The following ST8SIA6 variants were observed in gnomAD, a reference collection of about 807,000 sequenced individuals.
The protein encoded by ST8SIA6 is alpha-2,8-sialyltransferase 8F.
A neutral mutation model predicts 33.6 loss-of-function variants in ST8SIA6; 39 were observed. That is an observed-to-expected ratio of 1.16 (90% CI 0.90 to 1.52). The LOEUF (loss-of-function observed/expected upper bound fraction) is 1.52, where lower values mean the gene tolerates loss of function less well. ST8SIA6 is among the 40% of genes most tolerant of loss of function. ST8SIA6 has a pLI of 0.00. For synonymous variants in ST8SIA6, 172 were observed against 167.2 expected, an observed-to-expected ratio of 1.03 and a Z score of -0.22; for missense variants, 441 against 443.8, an observed-to-expected ratio of 0.99 and a Z score of 0.06.
At chr10:17,391,279 T>TTTA (rs2131663758) in intron 2 of ST8SIA6, among the ~76,000 whole-genome samples, 3 of 149,606 alleles carry the variant, frequency 2.0e-5, no homozygotes, top group Admixed American at 2.0e-4. Context: ...TTATTTATTT[T>TTTA]TTAGATGGAG....
chr10:17,317,064 TC>T lies in ST8SIA6; in HGVS notation c.*3813del, dbSNP rs1296114833. On this transcript the variant is annotated 3_prime_UTR_variant, in exon 8 of 8. Coordinates refer to ENST00000377602, the MANE Select transcript of ST8SIA6 (RefSeq NM_001004470.3). ...CAAACATAATTCTCCTACATTTTCT[TC>T]TATGAGCTTTAAAGTTTTCTTTTTA... 6.6e-6 allele frequency among the ~76,000 whole-genome samples: 1 copy of T among 152,184 alleles called. No homozygotes were observed. Among genetic ancestry groups the T allele is most frequent in the Non-Finnish European group, 1.5e-5 (1 of 68,026 alleles).
chr10:17,383,868 T>C (rs1222971981), intron 3 of ST8SIA6, among the ~76,000 whole-genome samples: 1 of 152,246 alleles, frequency 6.6e-6, no homozygotes, highest in Non-Finnish European at 1.5e-5. Context: ...AACATTTCTT[T>C]TGAGCTACTG....
Position 17,353,462 on chromosome 10 carries a change from A to G in ST8SIA6, c.377+6052T>C, listed in dbSNP as rs138966728. ...GATATGCAGGTGTATTTTGTTTAAC[A>G]CTATTTTCTTCAAAGAACATAAATA... is the stretch of plus-strand genomic sequence containing the variant. On this transcript the variant is annotated intron_variant, in intron 4 of 7. Transcript: ENST00000377602. Among the ~76,000 whole-genome samples, 40 of 152,296 alleles carry G rather than the reference A, an allele frequency of 2.6e-4. No individual in the cohort carries two copies. In the East Asian group the frequency reaches 7.3e-3, roughly 28 times the overall value.
At chr10:17,421,969 C>T (rs1851791831) in intron 2 of ST8SIA6, among the ~76,000 whole-genome samples, 2 of 152,074 alleles carry the variant, frequency 1.3e-5, no homozygotes, top group African/African-American at 4.8e-5. Context: ...CAAGTGTTTG[C>T]TTTATACAGC....
At chr10:17,389,685 C>T (rs928939797) in intron 3 of ST8SIA6, among the ~76,000 whole-genome samples, 19 of 152,120 alleles carry the variant, frequency 1.2e-4, no homozygotes, top group Non-Finnish European at 2.4e-4. Flanking sequence ...GTAAATCGTT[C>T]ACCTGGCTGA....
chr10:17,333,717 ATTT>A (rs71392102), intron 4 of ST8SIA6, among the ~76,000 whole-genome samples: 85 of 33,714 alleles, frequency 2.5e-3, no homozygotes, highest in Non-Finnish European at 3.2e-3. Flanking sequence ...ATATATATAT[ATTT>A]TTTTTTTTTT....
At chr10:17,342,743 G>C (rs1285488481) in intron 4 of ST8SIA6, among the ~76,000 whole-genome samples, 1 of 152,090 alleles carries the variant, frequency 6.6e-6, no homozygotes, top group South Asian at 2.1e-4. Context: ...GAGTTCAGAA[G>C]TTTGAGACCA....
intron 2 of ST8SIA6, among the ~76,000 whole-genome samples, chr10:17,453,300 A>T (rs1204159191): frequency 6.6e-6 from 1 of 152,106 alleles, no homozygotes; most frequent in Middle Eastern, 3.2e-3. Flanking sequence ...AGGAAAACTC[A>T]GCACCCGTTT....
In ST8SIA6 at chr10:17,407,150, T is replaced by C. The variant is rs372090033; in HGVS notation, c.201-16530A>G. Among the ~76,000 whole-genome samples, 3 of 152,208 alleles carry C rather than the reference T, an allele frequency of 2.0e-5. No individual in the cohort carries two copies. The East Asian group carries it at 5.8e-4, about 29-fold the overall frequency. Reference sequence around the variant, plus strand: ...TGTTGATTTTTGCTGCTTGTTGATTTTTTAAACCCACATAGCTTAAAGTCA... The same window carrying C: ...TGTTGATTTTTGCTGCTTGTTGATTCTTTAAACCCACATAGCTTAAAGTCA... On this transcript the variant is annotated intron_variant, in intron 2 of 7. Coordinates refer to ENST00000377602, the MANE Select transcript of ST8SIA6 (RefSeq NM_001004470.3).
At position 17,415,803 on chromosome 10, in the gene ST8SIA6, C is replaced by CTTTTT. The variant is rs968920842; in HGVS notation, c.201-25188_201-25184dup. 3.7e-3 allele frequency among the ~76,000 whole-genome samples: 343 copies of CTTTTT among 92,130 alleles called. 1 individual carries two copies. The highest frequency in any genetic ancestry group is 4.8e-3 in the Non-Finnish European group (234 of 48,714). 60.4% of individuals were successfully genotyped at this position (92,130 alleles called of 152,430 possible). A position where few individuals can be genotyped will look rare whatever the true frequency, so the allele number is the denominator to read the frequency against. Reference sequence around the variant, plus strand: ...CAAATTCAATGGACGCCTCACTTGTCTTTTTTTTTTTTTTTTTTTTTTTTG... The same window carrying CTTTTT: ...CAAATTCAATGGACGCCTCACTTGTCTTTTTTTTTTTTTTTTTTTTTTTTTTTTTG... On this transcript the variant is annotated intron_variant, in intron 2 of 7. Transcript: ENST00000377602.
chr10:17,318,390 G>GT lies in ST8SIA6; in HGVS notation c.*2487dup. 1 of 280,248 alleles carries GT rather than the reference G, an allele frequency of 3.6e-6. No individual in the cohort carries two copies. The highest frequency in any genetic ancestry group is 6.9e-6 in the Non-Finnish European group (1 of 144,304). 17.4% of individuals were successfully genotyped at this position (280,248 alleles called of 1,614,324 possible). On this transcript the variant is annotated 3_prime_UTR_variant, in exon 8 of 8. Transcript: ENST00000377602. ...GCCACTATGCTCAGCTAATTTTTTTGTTTTTTGTAGAGAAGGGTACTCACT... is the reference window on the plus strand; with the variant it reads ...GCCACTATGCTCAGCTAATTTTTTTGTTTTTTTGTAGAGAAGGGTACTCACT...
chr10:17,395,213 C>T (rs1416315126), intron 2 of ST8SIA6, among the ~76,000 whole-genome samples: 1 of 152,168 alleles, frequency 6.6e-6, no homozygotes, highest in Non-Finnish European at 1.5e-5. Context: ...TCCCCAGCCA[C>T]GTGGAACTGT....
chr10:17,389,755 A>G (rs1850516333), intron 3 of ST8SIA6, among the ~76,000 whole-genome samples: 1 of 152,084 alleles, frequency 6.6e-6, no homozygotes. Context: ...CAGAATACAT[A>G]TCATGTTCTC....
chr10:17,321,205 AGACTCTT>A lies in ST8SIA6; in HGVS notation c.863_869del (p.Glu288ValfsTer15). 1 of 1,614,130 alleles carries A rather than the reference AGACTCTT, an allele frequency of 6.2e-7. No homozygotes were observed. Among genetic ancestry groups the A allele is most frequent in the Non-Finnish European group, 8.5e-7 (1 of 1,179,994 alleles). On this transcript the variant is annotated frameshift_variant, in exon 8 of 8. Transcript: ENST00000377602. LOFTEE classifies it high-confidence loss of function. ...AAAATAGAACCTTTTGTCTTGCTTTAGACTCTTCGAGCGTGTAGTATACTTTGAAAGA... is the reference window on the plus strand; with the variant it reads ...AAAATAGAACCTTTTGTCTTGCTTTACGAGCGTGTAGTATACTTTGAAAGA...
At chr10:17,426,610 G>C (rs2131715573) in intron 2 of ST8SIA6, among the ~76,000 whole-genome samples, 1 of 152,304 alleles carries the variant, frequency 6.6e-6, no homozygotes, top group East Asian at 1.9e-4. Flanking sequence ...CTCAAGCAAA[G>C]AAATGTTCAG....
At chr10:17,433,712 G>A (rs1438661099) in intron 2 of ST8SIA6, among the ~76,000 whole-genome samples, 1 of 152,160 alleles carries the variant, frequency 6.6e-6, no homozygotes, top group African/African-American at 2.4e-5. Context: ...CCTCACTGTA[G>A]CCCCAGTAAT....
chr10:17,390,137 A>G (rs1472382356), intron 3 of ST8SIA6, among the ~76,000 whole-genome samples: 2 of 152,046 alleles, frequency 1.3e-5, no homozygotes, highest in East Asian at 3.9e-4. Context: ...TTACAGGCAC[A>G]TGCCACCCAA....
chr10:17,429,958 T>C (rs1235206754), intron 2 of ST8SIA6, among the ~76,000 whole-genome samples: 3 of 152,212 alleles, frequency 2.0e-5, no homozygotes, highest in Admixed American at 2.0e-4. Context: ...ATGGATGAAT[T>C]GTACAGTGGT....
At chr10:17,371,128 A>G (rs1027228982) in intron 3 of ST8SIA6, among the ~76,000 whole-genome samples, 1 of 152,198 alleles carries the variant, frequency 6.6e-6, no homozygotes, top group East Asian at 1.9e-4. Context: ...GAGAGGAATC[A>G]AGGATAACTT....
Sources: allele counts gnomAD v4.1 joint callset (sites outside exome capture counted in the v4.1 genomes callset), GRCh38; gene constraint gnomAD v4.1.1; transcripts MANE v1.5; gene names NCBI Gene and HGNC (gene_info 2026-07-23, HGNC 2026-07-21).